The following GSE1 variants were observed in gnomAD, a reference collection of about 807,000 sequenced individuals.
The protein encoded by GSE1 is Gse1 coiled-coil protein.
GSE1 carries 32 observed loss-of-function variants against 112.6 expected under a neutral mutation model. That is an observed-to-expected ratio of 0.28 (90% confidence interval 0.21 to 0.38). GSE1 has a LOEUF of 0.38. Among genes scored for constraint, GSE1 ranks in the 10% least tolerant of loss-of-function variants. The pLI is 1.00. For missense variants in GSE1, 2,348 were observed against 1,699.2 expected (o/e 1.38, Z -6.71); for synonymous variants, 1,115 against 735.6 (o/e 1.52, Z -8.35).
intron 1 of GSE1, among the ~76,000 whole-genome samples, chr16:85,230,629 C>T (rs1243667104): frequency 2.6e-5 from 4 of 152,176 alleles, no homozygotes; most frequent in African/African-American, 7.2e-5. Context: ...TCTAGGCTGA[C>T]GTCTAGTGAT....
chr16:85,621,102 C>T (rs542185116), intron 1 of GSE1, among the ~76,000 whole-genome samples: 55 of 151,764 alleles, frequency 3.6e-4, no homozygotes, highest in Admixed American at 1.5e-3. Flanking sequence ...TTGGGGAACC[C>T]GTGTAGATGG....
intron 10 of GSE1, 60 bp downstream of exon 10, chr16:85,663,153 C>T: frequency 7.7e-7 from 1 of 1,297,194 alleles, no homozygotes; most frequent in South Asian, 1.2e-5. Context: ...CTAGCGTCCA[C>T]ACCCTGCAGT....
In GSE1 at chr16:85,373,786, C is replaced by T. The variant is rs1342051593; in HGVS notation, c.2464+16143C>T. ...CCGGCAGGCCTGGGGACCCTGGATC[C>T]CCGAGGCAGCCCAGGGCAGGGTGAT... On this transcript the variant is annotated intron_variant, in intron 2 of 2. Coordinates refer to the GSE1 transcript ENST00000637419. This position sits in a 1 kb window ranked among gnomAD's most constrained non-coding sequence, Gnocchi z 5.1. 6.6e-6 allele frequency among the ~76,000 whole-genome samples: 1 copy of T among 152,148 alleles called. No individual in the cohort carries two copies. The highest frequency in any genetic ancestry group is 1.5e-5 in the Non-Finnish European group (1 of 68,028).
intron 14 of GSE1, among the ~76,000 whole-genome samples, chr16:85,669,188 C>T (rs1445048062): frequency 2.0e-5 from 3 of 152,254 alleles, no homozygotes; most frequent in Non-Finnish European, 4.4e-5. Context: ...CAGAGGTACC[C>T]AGCCTTCATT....
intron 1 of GSE1, among the ~76,000 whole-genome samples, chr16:85,571,172 G>T (rs2045965108): frequency 6.6e-6 from 1 of 152,150 alleles, no homozygotes; most frequent in Admixed American, 6.5e-5. Flanking sequence ...AGGCACAGGG[G>T]AACTTCCCTC....
chr16:85,320,487 GTCTC>G (rs1404815369), intron 1 of GSE1, among the ~76,000 whole-genome samples: 4 of 136,040 alleles, frequency 2.9e-5, no homozygotes, highest in African/African-American at 1.2e-4. Context: ...TAGAAATGGA[GTCTC>G]TCTATGTTGC....
intron 1 of GSE1, among the ~76,000 whole-genome samples, chr16:85,281,114 C>T (rs2044844489): frequency 1.3e-5 from 2 of 152,136 alleles, no homozygotes; most frequent in Admixed American, 6.6e-5. Context: ...AATGAACCCA[C>T]GATGCAAACG....
chr16:85,597,279 A>C (rs1031105300), intron 1 of GSE1, among the ~76,000 whole-genome samples: 2 of 148,634 alleles, frequency 1.3e-5, no homozygotes, highest in Non-Finnish European at 1.5e-5. Flanking sequence ...GTGCCCAGCC[A>C]GGAGAATTGC....
intron 1 of GSE1, among the ~76,000 whole-genome samples, chr16:85,315,363 G>A (rs553051619): frequency 6.6e-6 from 1 of 152,318 alleles, no homozygotes; most frequent in Non-Finnish European, 1.5e-5. Context: ...ATAGGGTTCA[G>A]ATGGCAAACA....
chr16:85,308,026 G>A (rs2045729258), intron 1 of GSE1, among the ~76,000 whole-genome samples: 1 of 152,322 alleles, frequency 6.6e-6, no homozygotes, highest in African/African-American at 2.4e-5. Context: ...CGGGGGCTGT[G>A]CCGGCAGCGT....
intron 1 of GSE1, among the ~76,000 whole-genome samples, chr16:85,312,106 ACT>A (rs2045866428): frequency 6.8e-6 from 1 of 146,040 alleles, no homozygotes; most frequent in African/African-American, 2.6e-5. Flanking sequence ...GGACGCTCAG[ACT>A]CTCCTGCTGG....
chr16:85,576,747 T>C (rs923740161), intron 1 of GSE1, among the ~76,000 whole-genome samples: 3 of 151,970 alleles, frequency 2.0e-5, no homozygotes, highest in Non-Finnish European at 4.4e-5. Context: ...TGTCCTGGGG[T>C]TGCAAATCTG....
At chr16:85,506,724 C>T (rs1017874546) in intron 2 of GSE1, among the ~76,000 whole-genome samples, 1 of 151,286 alleles carries the variant, frequency 6.6e-6, no homozygotes, top group Non-Finnish European at 1.5e-5. Flanking sequence ...TCGATTAGCC[C>T]TGTGCCAGCC....
At chr16:85,522,570 C>T (rs906760078) in intron 2 of GSE1, among the ~76,000 whole-genome samples, 5 of 152,242 alleles carry the variant, frequency 3.3e-5, no homozygotes, top group African/African-American at 7.2e-5. Context: ...TCATCTGTGG[C>T]TCACAAAGTG....
intron 2 of GSE1, among the ~76,000 whole-genome samples, chr16:85,466,128 C>T (rs980069965): frequency 2.0e-5 from 3 of 152,200 alleles, no homozygotes; most frequent in Non-Finnish European, 4.4e-5. Flanking sequence ...AACACGGGCA[C>T]TTTGAGTGGA....
At chr16:85,614,977 G>T (rs1476226273) in intron 1 of GSE1, among the ~76,000 whole-genome samples, 1 of 152,224 alleles carries the variant, frequency 6.6e-6, no homozygotes, top group African/African-American at 2.4e-5. Flanking sequence ...TGGTGGGGGC[G>T]TTGTGAAATG....
At chr16:85,554,848 G>A (rs1313506328), upstream of GSE1, 1 of 984,316 alleles carries the variant, frequency 1.0e-6, no homozygotes, top group Non-Finnish European at 1.2e-6. Flanking sequence ...AGCCGGAGGG[G>A]GGGCCAGCGG....
At chr16:85,652,503 C>G (rs952362901) in intron 3 of GSE1, among the ~76,000 whole-genome samples, 1 of 152,172 alleles carries the variant, frequency 6.6e-6, no homozygotes, top group Non-Finnish European at 1.5e-5. Flanking sequence ...CGGGGCTCAG[C>G]CCGCGGGAAG....
chr16:85,369,711 G>A lies in GSE1; in HGVS notation c.2464+12068G>A, dbSNP rs1597506307. Among the ~76,000 whole-genome samples, 5 of 152,352 alleles carry A rather than the reference G, an allele frequency of 3.3e-5. No homozygotes were observed. The South Asian group carries it at 1.0e-3, about 32-fold the overall frequency. On this transcript the variant is annotated intron_variant, in intron 2 of 2. Coordinates refer to the GSE1 transcript ENST00000637419. The stretch of plus-strand genomic sequence containing the variant: ...TCATAGACTCCGGGGATTAGATGTG[G>A]ACGTCTTTTGGGGCTGTTATGCAGC...
Sources: gnomAD v4.1 joint callset for allele counts (sites outside exome capture counted in the v4.1 genomes callset) on GRCh38, gnomAD v4.1.1 for gene constraint, Gnocchi (gnomAD v3.1) non-coding constraint, MANE v1.5 for transcripts, NCBI Gene and HGNC (gene_info 2026-07-23, HGNC 2026-07-21) for gene names.